CARD8: variants seen among roughly 807,000 people sequenced by gnomAD.
CARD8 encodes caspase recruitment domain family member 8.
Under a neutral mutation model 53.2 loss-of-function variants are expected in CARD8, and 38 were observed. The observed-to-expected ratio is 0.71, with a 90% CI of 0.55 to 0.94. CARD8 has a LOEUF of 0.94. CARD8 is among the 40% of genes least tolerant of loss of function. The probability of loss-of-function intolerance (pLI) is 0.00; values close to 1 mark genes in which losing one functional copy is unlikely to be tolerated. For missense variants in CARD8, 561 were observed against 655.5 expected, an observed-to-expected ratio of 0.86 and a Z score of 1.57; for synonymous variants, 245 against 244.9, an observed-to-expected ratio of 1.00 and a Z score of 0.00.
Position 48,230,501 on chromosome 19 carries a change from G to A in CARD8, c.972C>T (p.His324=). 6.2e-7 allele frequency: 1 copy of A among 1,614,118 alleles called. No individual in the cohort carries two copies. Among genetic ancestry groups the A allele is most frequent in the Non-Finnish European group, 8.5e-7 (1 of 1,179,988 alleles). The part of the protein sequence containing the change: ...PITSNTLIYY[H]PHPEDIKFHL... The stretch of plus-strand genomic sequence containing the variant: ...GGAACTTAATATCTTCGGGGTGGGG[G>A]TGATAATAGATCAATGTGTTGGAAG... The change falls in exon 10 of 14, where the codon CAC becomes CAT. Residue 324 remains histidine (H), a synonymous_variant. Transcript: ENST00000651546.
chr19:48,248,958 G>C (rs954688922), intron 3 of CARD8, among the ~76,000 whole-genome samples: 16 of 152,208 alleles, frequency 1.1e-4, no homozygotes, highest in Middle Eastern at 3.2e-3. Flanking sequence ...AACACTTTGG[G>C]AGGCCGAGGC....
At position 48,237,514 on chromosome 19, in the gene CARD8, C is replaced by T. The variant is rs183969225; in HGVS notation, c.209+869G>A. ...TCGCTATTGTTACAGGAAGTATTATCGGCTGGGTGCAGCGACTCACGCCTG... is the reference window on the plus strand; with the variant it reads ...TCGCTATTGTTACAGGAAGTATTATTGGCTGGGTGCAGCGACTCACGCCTG... On this transcript the variant is annotated intron_variant, in intron 5 of 13. Coordinates refer to ENST00000651546, the MANE Select transcript of CARD8 (RefSeq NM_001184900.3). 4.9e-4 allele frequency among the ~76,000 whole-genome samples: 74 copies of T among 152,092 alleles called. 1 individual carries two copies. The highest frequency in any genetic ancestry group is 1.5e-4 in the Non-Finnish European group (10 of 67,990).
intron 3 of CARD8, 69 bp from the exon 4 acceptor site, chr19:48,241,132 G>C (rs1212951308): frequency 9.3e-6 from 8 of 859,350 alleles, no homozygotes; most frequent in Middle Eastern, 2.4e-4. Context: ...TAGCTTCTGT[G>C]TCTCTCAAAG....
chr19:48,213,021 A>G (rs185019002), intron 13 of CARD8: 1 of 152,344 alleles, frequency 6.6e-6, no homozygotes, highest in Non-Finnish European at 1.5e-5. Context: ...CCTGACAATG[A>G]AGCCAACAAT....
intron 12 of CARD8, among the ~76,000 whole-genome samples, chr19:48,217,524 TA>T (rs1217843981): frequency 6.6e-6 from 1 of 152,236 alleles, no homozygotes; most frequent in African/African-American, 2.4e-5. Flanking sequence ...TATGGAATTC[TA>T]AAAGTGACTT....
intron 6 of CARD8, 109 bp from the exon 7 acceptor site, chr19:48,232,602 A>G (rs1271411183): frequency 1.1e-6 from 1 of 905,302 alleles, no homozygotes; most frequent in East Asian, 2.6e-5. Context: ...CCCGTAGAGT[A>G]GCCGCTACCC....
At chr19:48,229,607 C>T (rs994412859) in intron 10 of CARD8, among the ~76,000 whole-genome samples, 4 of 152,182 alleles carry the variant, frequency 2.6e-5, no homozygotes, top group Non-Finnish European at 4.4e-5. Flanking sequence ...GCATAATCGC[C>T]CCACCTAGGC....
Position 48,239,472 on chromosome 19 carries a change from CTT to C in CARD8, c.60-942_60-941del, listed in dbSNP as rs36029407. Among the ~76,000 whole-genome samples the C allele has an allele frequency of 3.0e-3, 305 of 102,662 alleles. 1 individual carries two copies. The highest frequency in any genetic ancestry group is 6.1e-3 in the Admixed American group (58 of 9,534). The allele number at this position is 102,662 out of a possible 152,430, so 67.4% of individuals were successfully genotyped here. A position where few individuals can be genotyped will look rare whatever the true frequency, so the allele number is the denominator to read the frequency against. On this transcript the variant is annotated intron_variant, in intron 4 of 13. Coordinates refer to ENST00000651546, the MANE Select transcript of CARD8 (RefSeq NM_001184900.3). ...GATCATCTGTCTCAGTCATTTCAGACTTTTTTTTTTTTTTTTTTTTGAGACAG... is the reference window on the plus strand; with the variant it reads ...GATCATCTGTCTCAGTCATTTCAGACTTTTTTTTTTTTTTTTTTGAGACAG...
At chr19:48,213,730 T>A (rs1463362987) in intron 13 of CARD8, among the ~76,000 whole-genome samples, 2 of 152,216 alleles carry the variant, frequency 1.3e-5, no homozygotes, top group African/African-American at 4.8e-5. Context: ...CTAATTCCAG[T>A]GTCCTTAACA....
downstream of CARD8, chr19:48,206,384 C>T (rs534750633): frequency 8.9e-6 from 4 of 449,872 alleles, no homozygotes; most frequent in Non-Finnish European, 1.8e-5. Flanking sequence ...AAGCGCCTAC[C>T]GTATTGGATA....
At chr19:48,235,659 C>T (rs960095701) in intron 5 of CARD8, among the ~76,000 whole-genome samples, 1 of 152,288 alleles carries the variant, frequency 6.6e-6, no homozygotes, top group Non-Finnish European at 1.5e-5. Context: ...ACTGGGATTA[C>T]AGTCATGAGC....
chr19:48,239,695 C>T (rs1019762575), intron 4 of CARD8, among the ~76,000 whole-genome samples: 3 of 152,020 alleles, frequency 2.0e-5, no homozygotes, highest in Non-Finnish European at 1.5e-5. Context: ...AGACTGGTCT[C>T]GAACTCCTGA....
intron 5 of CARD8, 109 bp downstream of exon 5, chr19:48,238,274 A>G: frequency 1.4e-6 from 2 of 1,428,004 alleles, no homozygotes; most frequent in Non-Finnish European, 1.8e-6. Context: ...CATATATACT[A>G]ATTTTTATGC....
downstream of CARD8, chr19:48,203,261 G>A (rs2037234209): frequency 6.6e-6 from 1 of 152,232 alleles, no homozygotes; most frequent in Non-Finnish European, 1.5e-5. Flanking sequence ...CCATCCCTAA[G>A]TAGTCTCTCT....
chr19:48,212,177 T>C (rs374276938), intron 13 of CARD8, among the ~76,000 whole-genome samples: 12 of 152,248 alleles, frequency 7.9e-5, no homozygotes, highest in African/African-American at 2.4e-4. Flanking sequence ...TCTCAAATAA[T>C]GTATCTTCCT....
chr19:48,238,394 C>T lies in CARD8; in HGVS notation c.198G>A (p.Val66=). The stretch of plus-strand genomic sequence containing the variant: ...TAGATGTCCCTTACGTATCATTTGT[C>T]ACACAGGCCTCAGCCTGAAAAAAAA... ...TGIFFQAEAC[V]TNDTVYRELP... Residue 66 remains valine, a synonymous_variant, in exon 5 of 14, where the codon GTG becomes GTA. Transcript: ENST00000651546. 3.9e-6 allele frequency: 6 copies of T among 1,535,818 alleles called. No homozygotes were observed. The highest frequency in any genetic ancestry group is 5.2e-6 in the Non-Finnish European group (6 of 1,146,828).
chr19:48,250,000 T>TAA (rs2046743085), intron 1 of CARD8, 153 bp from the exon 2 acceptor site: 1 of 16,502 alleles, frequency 6.1e-5, no homozygotes, highest in South Asian at 2.1e-3. Context: ...GGGACAGTCT[T>TAA]AATCTCTCCA....
In CARD8 at chr19:48,212,667, G is replaced by A. The variant is rs188154396; in HGVS notation, c.1349-692C>T. Among the ~76,000 whole-genome samples the A allele has an allele frequency of 1.1e-4, 17 of 152,260 alleles. 1 individual carries two copies. Among genetic ancestry groups the A allele is most frequent in the Non-Finnish European group, 1.8e-4 (12 of 68,014 alleles). ...TGAGCTACTAAGCTTTGATTTCAAC[G>A]TGCAGGCAACAGGTGCTATATTTTG... On this transcript the variant is annotated intron_variant, in intron 13 of 13. Transcript: ENST00000651546.
intron 4 of CARD8, 36 bp from the exon 5 acceptor site, chr19:48,238,568 G>T: frequency 2.6e-6 from 4 of 1,530,236 alleles, no homozygotes; most frequent in African/African-American, 1.4e-5. Flanking sequence ...ATGTGAGCAT[G>T]TCAGAGGAGC....
Sources: gnomAD v4.1 joint callset for allele counts (sites outside exome capture counted in the v4.1 genomes callset) on GRCh38, gnomAD v4.1.1 for gene constraint, MANE v1.5 for transcripts, NCBI Gene and HGNC (gene_info 2026-07-23, HGNC 2026-07-21) for gene names.